Variants in B3GALT1 observed in about 807,000 individuals in gnomAD.
B3GALT1 encodes the protein UDP-Gal:betaGlcNAc beta 1,3-galactosyltransferase, polypeptide 1.
In B3GALT1, 10 loss-of-function variants were observed where a neutral mutation model predicts 23.2. The ratio of observed to expected loss-of-function variants is 0.43; its 90% CI spans 0.27 to 0.73. The LOEUF (loss-of-function observed/expected upper bound fraction) is 0.73. B3GALT1 is among the 30% of genes least tolerant of loss of function. The pLI is 0.21. For missense variants in B3GALT1, 299 were observed against 405.4 expected (o/e 0.74, Z 2.25); for synonymous variants, 156 against 141.5 (o/e 1.10, Z -0.73).
At chr2:167,722,543 T>C (rs1687250962) in intron 3 of B3GALT1, among the ~76,000 whole-genome samples, 1 of 148,014 alleles carries the variant, frequency 6.8e-6, no homozygotes, top group Admixed American at 6.6e-5. Context: ...AAGATTCAAG[T>C]TTTTTTATAA....
At chr2:167,829,876 C>T (rs908418173) in intron 4 of B3GALT1, among the ~76,000 whole-genome samples, 4 of 152,026 alleles carry the variant, frequency 2.6e-5, no homozygotes, top group Non-Finnish European at 5.9e-5. Flanking sequence ...GTGCAAAGCC[C>T]ATGTAGGTAA....
At chr2:167,573,517 C>G (rs1285923120) in intron 2 of B3GALT1, among the ~76,000 whole-genome samples, 2 of 151,522 alleles carry the variant, frequency 1.3e-5, no homozygotes, top group Non-Finnish European at 3.0e-5. Context: ...GGGAATTATG[C>G]TAAACTAGCA....
intron 3 of B3GALT1, among the ~76,000 whole-genome samples, chr2:167,696,803 C>T (rs925369504): frequency 2.6e-5 from 4 of 152,126 alleles, no homozygotes; most frequent in African/African-American, 2.4e-5. Context: ...CAAGAAGACT[C>T]GTCCATCTCT....
chr2:167,603,587 C>T (rs1574162643), intron 2 of B3GALT1, among the ~76,000 whole-genome samples: 2 of 152,334 alleles, frequency 1.3e-5, no homozygotes, highest in Non-Finnish European at 2.9e-5. Flanking sequence ...GTGATCCTTA[C>T]ATGCTGGTTA....
intron 2 of B3GALT1, among the ~76,000 whole-genome samples, chr2:167,571,377 TTTA>T (rs1319337311): frequency 6.6e-6 from 1 of 151,950 alleles, no homozygotes; most frequent in Non-Finnish European, 1.5e-5. Context: ...CTTAATTCTC[TTTA>T]TTAACTGTTA....
intron 1 of B3GALT1, among the ~76,000 whole-genome samples, chr2:167,296,643 A>G (rs188125893): frequency 3.9e-5 from 6 of 152,328 alleles, no homozygotes; most frequent in African/African-American, 1.4e-4. Context: ...CTAATCTATT[A>G]TTATGATACT....
chr2:167,353,892 T>A (rs1016565633), intron 1 of B3GALT1, among the ~76,000 whole-genome samples: 2 of 152,144 alleles, frequency 1.3e-5, no homozygotes, highest in African/African-American at 4.8e-5. Flanking sequence ...ATCCTCCTTT[T>A]TTTTTCTTGT....
At chr2:167,567,501 T>G (rs1684193933) in intron 2 of B3GALT1, among the ~76,000 whole-genome samples, 1 of 152,184 alleles carries the variant, frequency 6.6e-6, no homozygotes, top group African/African-American at 2.4e-5. Context: ...AATTGGCTTT[T>G]GAAAAAATAT....
At chr2:167,384,029 CTG>C (rs1327118117) in intron 1 of B3GALT1, among the ~76,000 whole-genome samples, 2 of 152,152 alleles carry the variant, frequency 1.3e-5, no homozygotes, top group Non-Finnish European at 2.9e-5. Flanking sequence ...TGGCTAGAGA[CTG>C]TGGATTAGAG....
intron 1 of B3GALT1, among the ~76,000 whole-genome samples, chr2:167,380,290 A>G (rs781306892): frequency 4.6e-5 from 7 of 152,158 alleles, no homozygotes; most frequent in Non-Finnish European, 8.8e-5. Flanking sequence ...TCACTGCACC[A>G]TGAACTCAGG....
intron 2 of B3GALT1, among the ~76,000 whole-genome samples, chr2:167,634,163 C>T (rs967661762): frequency 1.3e-5 from 2 of 152,014 alleles, no homozygotes; most frequent in Non-Finnish European, 2.9e-5. Flanking sequence ...AGAACAAATA[C>T]ACAACATAGC....
At chr2:167,640,762 G>A (rs989291055) in intron 2 of B3GALT1, among the ~76,000 whole-genome samples, 1 of 152,118 alleles carries the variant, frequency 6.6e-6, no homozygotes, top group Non-Finnish European at 1.5e-5. Flanking sequence ...TTATGCCCCA[G>A]TCTTCTTATT....
intron 3 of B3GALT1, chr2:167,715,931 T>C: frequency 6.8e-6 from 11 of 1,612,810 alleles, no homozygotes; most frequent in Non-Finnish European, 9.3e-6. Flanking sequence ...CAGCTGCGCA[T>C]ACCACCAGTT....
intron 2 of B3GALT1, among the ~76,000 whole-genome samples, chr2:167,622,725 A>C (rs1685280252): frequency 6.6e-6 from 1 of 152,166 alleles, no homozygotes; most frequent in South Asian, 2.1e-4. Context: ...ATGAACTAAA[A>C]AATTATTTCT....
chr2:167,858,485 T>G (rs537013525), intron 4 of B3GALT1, among the ~76,000 whole-genome samples: 53 of 152,316 alleles, frequency 3.5e-4, no homozygotes, highest in African/African-American at 1.2e-3. Flanking sequence ...GATAATACTT[T>G]ATGTTCATGT....
intron 2 of B3GALT1, among the ~76,000 whole-genome samples, chr2:167,510,007 T>A (rs1204738835): frequency 6.6e-6 from 1 of 152,204 alleles, no homozygotes; most frequent in Non-Finnish European, 1.5e-5. Context: ...GACAAGCAGA[T>A]ATGATTTGAA....
chr2:167,731,878 A>G (rs937831810), intron 3 of B3GALT1, among the ~76,000 whole-genome samples: 2 of 152,022 alleles, frequency 1.3e-5, no homozygotes, highest in African/African-American at 2.4e-5. Context: ...TCTTTCCCCA[A>G]CTATTAATTG....
At chr2:167,501,617 T>A (rs1241048710) in intron 2 of B3GALT1, among the ~76,000 whole-genome samples, 1 of 151,442 alleles carries the variant, frequency 6.6e-6, no homozygotes, top group African/African-American at 2.4e-5. Context: ...GACTTCTAGT[T>A]GTAATGTAAA....
chr2:167,456,506 T>C (rs1699175891), intron 1 of B3GALT1, among the ~76,000 whole-genome samples: 1 of 152,172 alleles, frequency 6.6e-6, no homozygotes, highest in Admixed American at 6.5e-5. Flanking sequence ...GTATATCATA[T>C]GTAAAACAAT....
Sources: gnomAD v4.1 joint callset for allele counts (sites outside exome capture counted in the v4.1 genomes callset) on GRCh38, gnomAD v4.1.1 for gene constraint, MANE v1.5 for transcripts, NCBI Gene and HGNC (gene_info 2026-07-23, HGNC 2026-07-21) for gene names.